The following ANKRD11 variants were observed in gnomAD, a reference collection of about 807,000 sequenced individuals.
ANKRD11 encodes the protein ankyrin repeat domain 11, also known as ankyrin repeat domain-containing protein 11.
Under a neutral mutation model 195.7 loss-of-function variants are expected in ANKRD11, and 17 were observed. The observed-to-expected ratio is 0.09, with a 90% CI of 0.06 to 0.13. ANKRD11 has a LOEUF of 0.13. Ranked by LOEUF, ANKRD11 falls within the 10% of genes least tolerant of loss-of-function variation. The probability of loss-of-function intolerance (pLI) is 1.00; values close to 1 mark genes in which losing one functional copy is unlikely to be tolerated. For synonymous variants in ANKRD11, 1,953 were observed against 1,528.1 expected (o/e 1.28, Z -6.49); for missense variants, 3,735 against 3,566.1 (o/e 1.05, Z -1.21).
intron 2 of ANKRD11, among the ~76,000 whole-genome samples, chr16:89,375,631 T>C (rs1187078347): frequency 6.6e-6 from 1 of 151,932 alleles, no homozygotes; most frequent in African/African-American, 2.4e-5. Context: ...TTTTTAAATT[T>C]TTAGTAGAGA....
intron 2 of ANKRD11, among the ~76,000 whole-genome samples, chr16:89,350,419 T>C (rs900951728): frequency 3.9e-5 from 6 of 152,118 alleles, no homozygotes; most frequent in Non-Finnish European, 5.9e-5. Context: ...ACAACGGACA[T>C]GTCTATAACT....
chr16:89,390,377 A>C (rs1349019804), intron 2 of ANKRD11, among the ~76,000 whole-genome samples: 1 of 152,136 alleles, frequency 6.6e-6, no homozygotes, highest in Non-Finnish European at 1.5e-5. Context: ...GCACTGAGAG[A>C]GAGAAGATCA....
At chr16:89,451,618 T>C (rs1389826770) in intron 1 of ANKRD11, among the ~76,000 whole-genome samples, 2 of 152,040 alleles carry the variant, frequency 1.3e-5, no homozygotes, top group Non-Finnish European at 2.9e-5. Flanking sequence ...AATTTCGCAG[T>C]GTTGGCCAGG....
At chr16:89,488,440 G>A (rs995602699) in intron 1 of ANKRD11, among the ~76,000 whole-genome samples, 2 of 144,948 alleles carry the variant, frequency 1.4e-5, no homozygotes, top group African/African-American at 2.6e-5. Flanking sequence ...CAAGACATCC[G>A]CCCCCCCCCC....
chr16:89,420,297 T>C (rs538684248), intron 1 of ANKRD11: 1 of 152,244 alleles, frequency 6.6e-6, no homozygotes, highest in African/African-American at 2.4e-5. Context: ...GTCCAACGAT[T>C]TGCAAGCTCA....
At chr16:89,368,157 C>A (rs756191076) in intron 2 of ANKRD11, among the ~76,000 whole-genome samples, 8 of 152,064 alleles carry the variant, frequency 5.3e-5, no homozygotes, top group Admixed American at 2.0e-4. Context: ...AAACCAGATT[C>A]CAACAATTCC....
intron 1 of ANKRD11, among the ~76,000 whole-genome samples, chr16:89,479,312 C>G (rs2057362313): frequency 6.6e-6 from 1 of 152,074 alleles, no homozygotes; most frequent in Middle Eastern, 3.4e-3. Context: ...AGTTTGCCTC[C>G]TAGATAAAAC....
At chr16:89,395,679 A>G (rs949073743) in intron 2 of ANKRD11, 7 of 152,254 alleles carry the variant, frequency 4.6e-5, no homozygotes, top group East Asian at 1.9e-4. Context: ...AAAGTTGTCA[A>G]TAAGCACACA....
intron 2 of ANKRD11, among the ~76,000 whole-genome samples, chr16:89,416,621 A>T (rs540860489): frequency 6.7e-6 from 1 of 150,338 alleles, no homozygotes; most frequent in African/African-American, 2.4e-5. Context: ...TAATAATTTT[A>T]TTTTTCACAC....
At chr16:89,485,255 G>A (rs997974299) in intron 1 of ANKRD11, among the ~76,000 whole-genome samples, 2 of 151,822 alleles carry the variant, frequency 1.3e-5, no homozygotes, top group East Asian at 1.9e-4. Context: ...AGGCCAAGAC[G>A]GCTGGATCAC....
intron 1 of ANKRD11, among the ~76,000 whole-genome samples, chr16:89,447,202 C>T (rs185740049): frequency 4.5e-4 from 68 of 152,230 alleles, no homozygotes; most frequent in African/African-American, 1.6e-3. Context: ...CCCATTAGTA[C>T]CAAAAGTTTA....
At chr16:89,424,234 G>A (rs1292987429) in intron 1 of ANKRD11, among the ~76,000 whole-genome samples, 2 of 152,148 alleles carry the variant, frequency 1.3e-5, no homozygotes, top group Non-Finnish European at 2.9e-5. Context: ...CTGAGGTTGG[G>A]AGTTCGAGAC....
At chr16:89,486,527 T>C (rs886289994) in intron 1 of ANKRD11, among the ~76,000 whole-genome samples, 2 of 151,132 alleles carry the variant, frequency 1.3e-5, no homozygotes, top group Admixed American at 1.3e-4. Flanking sequence ...ATCTTGGAGT[T>C]TGGGGGGATC....
At chr16:89,297,067 C>G (rs2035484749) in intron 4 of ANKRD11, among the ~76,000 whole-genome samples, 1 of 152,040 alleles carries the variant, frequency 6.6e-6, no homozygotes, top group African/African-American at 2.4e-5. Flanking sequence ...CCTGGGAGGT[C>G]TGAAGCTGGG....
intron 2 of ANKRD11, among the ~76,000 whole-genome samples, chr16:89,381,959 T>C (rs1157491666): frequency 6.6e-6 from 1 of 152,226 alleles, no homozygotes; most frequent in Non-Finnish European, 1.5e-5. Flanking sequence ...TATCTAGTTC[T>C]ATCTTCAATG....
At position 89,281,294 on chromosome 16, in the gene ANKRD11, T is replaced by A; in HGVS notation, c.5248A>T (p.Thr1750Ser). 6.2e-7 allele frequency: 1 copy of A among 1,614,006 alleles called. No homozygotes were observed. The change falls in exon 9 of 13, where the codon ACC (threonine) becomes TCC (serine). Residue 1750 changes from threonine to serine, a missense_variant. Physicochemically the swap from Thr to Ser is moderately conservative, Grantham distance 58. Transcript: ENST00000301030. The surrounding 1 kb of genome is among the most constrained non-coding windows in gnomAD (Gnocchi z 5.5). ...GGGGAGCAGGCGCTGGTGGGAGCGG[T>A]GGGCACGGGCGTGGAGTGCTGCGAG... Reference protein sequence around the residue: ...ADSQHSTPVPTAPTSACSPSF... With the variant: ...ADSQHSTPVPSAPTSACSPSF...
chr16:89,478,838 TC>T (rs2057345268), intron 1 of ANKRD11, among the ~76,000 whole-genome samples: 1 of 152,214 alleles, frequency 6.6e-6, no homozygotes, highest in African/African-American at 2.4e-5. Context: ...CTGGGATTAT[TC>T]CTAAATTTCT....
intron 2 of ANKRD11, among the ~76,000 whole-genome samples, chr16:89,355,559 G>A (rs191923467): frequency 2.8e-4 from 42 of 152,280 alleles, no homozygotes; most frequent in African/African-American, 9.9e-4. Context: ...TCTTCCAGCA[G>A]GGACGGCCCC....
rs115819367 is a variant in ANKRD11 at position 89,291,717 on chromosome 16, A to G, written c.227-534T>C. ...CTTCTAGGAACCTCCATCTCATGCC[A>G]TGGTGCTTCGAGGAGCGTACCAGCC... On this transcript the variant is annotated intron_variant, in intron 4 of 12. Transcript: ENST00000301030. The surrounding 1 kb of genome is among the most constrained non-coding windows in gnomAD (Gnocchi z 5.3). The G allele has an allele frequency of 1.3e-3, 1,638 of 1,289,900 alleles. 18 individuals are homozygous for G. In the African/African-American group the frequency reaches 0.022, roughly 18 times the overall value. The allele number at this position is 1,289,900 out of a possible 1,614,324, so 79.9% of individuals were successfully genotyped here. A position where few individuals can be genotyped will look rare whatever the true frequency, so the allele number is the denominator to read the frequency against.
Sources: gnomAD v4.1 joint callset for allele counts (sites outside exome capture counted in the v4.1 genomes callset) on GRCh38, gnomAD v4.1.1 for gene constraint, Gnocchi (gnomAD v3.1) non-coding constraint, MANE v1.5 for transcripts, NCBI Gene and HGNC (gene_info 2026-07-23, HGNC 2026-07-21) for gene names.